EYA2: variants seen among roughly 807,000 people sequenced by gnomAD.
The protein encoded by EYA2 is EYA transcriptional coactivator and phosphatase 2, also known as protein phosphatase EYA2.
Under a neutral mutation model 69.2 loss-of-function variants are expected in EYA2, and 31 were observed. That is an observed-to-expected ratio of 0.45 (90% CI 0.34 to 0.60). EYA2 has a LOEUF of 0.60. Ranked by LOEUF, EYA2 falls within the 20% of genes least tolerant of loss-of-function variation. The pLI is 0.02. For synonymous variants in EYA2, 257 were observed against 279.4 expected, an observed-to-expected ratio of 0.92 and a Z score of 0.80; for missense variants, 622 against 701.2, an observed-to-expected ratio of 0.89 and a Z score of 1.28.
intron 9 of EYA2, among the ~76,000 whole-genome samples, chr20:47,103,749 G>A (rs887157832): frequency 2.0e-5 from 3 of 152,160 alleles, no homozygotes; most frequent in Non-Finnish European, 4.4e-5. Flanking sequence ...AACACAAGGG[G>A]ATTACAATTT....
chr20:47,135,340 A>T (rs1343320029), intron 9 of EYA2, among the ~76,000 whole-genome samples: 32 of 152,118 alleles, frequency 2.1e-4, no homozygotes, highest in Non-Finnish European at 5.9e-5. Flanking sequence ...AGAAACTGAG[A>T]CACACTGAAG....
chr20:46,987,143 G>C (rs1377344388), intron 1 of EYA2, among the ~76,000 whole-genome samples: 1 of 152,134 alleles, frequency 6.6e-6, no homozygotes, highest in Non-Finnish European at 1.5e-5. Flanking sequence ...AATACCTTCG[G>C]CTCTGCAGGC....
intron 12 of EYA2, among the ~76,000 whole-genome samples, chr20:47,174,404 G>C (rs1189027665): frequency 6.6e-6 from 1 of 152,188 alleles, no homozygotes; most frequent in East Asian, 1.9e-4. Context: ...ATTATTGAGA[G>C]ATTTATTGTT....
At chr20:47,178,044 C>T (rs1004347916) in intron 12 of EYA2, among the ~76,000 whole-genome samples, 2 of 152,110 alleles carry the variant, frequency 1.3e-5, no homozygotes, top group Non-Finnish European at 1.5e-5. Flanking sequence ...AAGATGAGGC[C>T]GTAAGGCAGG....
At chr20:47,045,755 AATGGTAT>A in intron 5 of EYA2, among the ~76,000 whole-genome samples, 1 of 152,172 alleles carries the variant, frequency 6.6e-6, no homozygotes, top group Non-Finnish European at 1.5e-5. Flanking sequence ...TTTCAGCATC[AATGGTAT>A]ATGCGGGTTT....
intron 5 of EYA2, among the ~76,000 whole-genome samples, chr20:47,054,972 C>G (rs1356325752): frequency 1.3e-5 from 2 of 152,210 alleles, no homozygotes; most frequent in African/African-American, 4.8e-5. Context: ...TTCTGTCTCT[C>G]TTTTTCTGTG....
intron 9 of EYA2, among the ~76,000 whole-genome samples, chr20:47,103,728 G>C (rs2032495789): frequency 6.6e-6 from 1 of 152,026 alleles, no homozygotes; most frequent in African/African-American, 2.4e-5. Context: ...CTCCCACGAG[G>C]TTCCTCCACC....
intron 9 of EYA2, among the ~76,000 whole-genome samples, chr20:47,100,943 T>G (rs939928217): frequency 6.6e-6 from 1 of 152,208 alleles, no homozygotes; most frequent in Non-Finnish European, 1.5e-5. Flanking sequence ...TTCCCTGCCA[T>G]TTTTTGGAGT....
At chr20:47,068,320 GC>G (rs2031190317) in intron 5 of EYA2, among the ~76,000 whole-genome samples, 1 of 152,184 alleles carries the variant, frequency 6.6e-6, no homozygotes, top group Non-Finnish European at 1.5e-5. Flanking sequence ...GTGTAGAGAA[GC>G]CATGTGCTGC....
intron 1 of EYA2, among the ~76,000 whole-genome samples, chr20:46,920,156 C>T (rs1347262452): frequency 1.3e-5 from 2 of 151,676 alleles, no homozygotes; most frequent in Admixed American, 6.6e-5. Context: ...AGAGAATTAC[C>T]AAACTGTGAC....
At position 47,004,896 on chromosome 20, in the gene EYA2, G is replaced by T. The variant is rs1309472752; in HGVS notation, c.156-46G>T. The stretch of plus-strand genomic sequence containing the variant: ...TTGATATCAAGATAAGGAAGAAGGG[G>T]TGCCAGACTGGGCCTGGAGATTTAA... On this transcript the variant is annotated intron_variant, in intron 3 of 15. Transcript: ENST00000327619. 3.1e-6 allele frequency: 5 copies of T among 1,613,600 alleles called. No homozygotes were observed. In the African/African-American group the frequency reaches 5.3e-5, roughly 17 times the overall value.
chr20:47,089,991 G>A (rs1293344954), intron 8 of EYA2, among the ~76,000 whole-genome samples: 1 of 152,116 alleles, frequency 6.6e-6, no homozygotes, highest in Non-Finnish European at 1.5e-5. Context: ...TGGCTCTAAT[G>A]AGTGTGCCTC....
chr20:47,005,828 A>G (rs1455965381), intron 4 of EYA2, among the ~76,000 whole-genome samples: 1 of 152,236 alleles, frequency 6.6e-6, no homozygotes, highest in Non-Finnish European at 1.5e-5. Context: ...CTCACCATCC[A>G]TGCCCACCTG....
At chr20:47,122,299 T>C (rs1456490475) in intron 9 of EYA2, among the ~76,000 whole-genome samples, 1 of 147,030 alleles carries the variant, frequency 6.8e-6, no homozygotes, top group South Asian at 2.2e-4. Context: ...GTTTTTTTTT[T>C]TTTTTTTTTT....
chr20:46,940,729 C>T (rs183504675), intron 1 of EYA2, among the ~76,000 whole-genome samples: 18 of 152,272 alleles, frequency 1.2e-4, no homozygotes, highest in Admixed American at 2.6e-4. Context: ...CAGCTCAGGG[C>T]GGTGGCCAAA....
intron 7 of EYA2, among the ~76,000 whole-genome samples, chr20:47,079,981 CTG>C (rs1209116073): frequency 6.6e-6 from 1 of 152,204 alleles, no homozygotes; most frequent in Non-Finnish European, 1.5e-5. Flanking sequence ...AAGGAAAAGA[CTG>C]TATGTAACAG....
intron 5 of EYA2, among the ~76,000 whole-genome samples, chr20:47,065,040 A>G (rs1393625890): frequency 6.6e-6 from 1 of 152,236 alleles, no homozygotes; most frequent in African/African-American, 2.4e-5. Flanking sequence ...GTGGCAGGCA[A>G]GAGAACATGT....
chr20:46,913,829 G>A (rs1438902199), intron 1 of EYA2, among the ~76,000 whole-genome samples: 1 of 152,122 alleles, frequency 6.6e-6, no homozygotes, highest in Non-Finnish European at 1.5e-5. Flanking sequence ...AAAGGAGATG[G>A]GAGCACCTCG....
intron 1 of EYA2, among the ~76,000 whole-genome samples, chr20:46,915,492 G>A (rs975308603): frequency 1.3e-5 from 2 of 152,124 alleles, no homozygotes; most frequent in Admixed American, 6.6e-5. Context: ...AGGCCAAGGA[G>A]GAGCCCCACA....
Sources: gnomAD v4.1 joint callset for allele counts (sites outside exome capture counted in the v4.1 genomes callset) on GRCh38, gnomAD v4.1.1 for gene constraint, MANE v1.5 for transcripts, NCBI Gene and HGNC (gene_info 2026-07-23, HGNC 2026-07-21) for gene names.